Variants in LIPA observed in about 807,000 individuals in gnomAD.
LIPA encodes lipase A, lysosomal acid type.
In LIPA, 26 loss-of-function variants were observed where a neutral mutation model predicts 40.6. That is an observed-to-expected ratio of 0.64 (90% confidence interval 0.47 to 0.89). The LOEUF (loss-of-function observed/expected upper bound fraction) is 0.89. LIPA is among the 40% of genes least tolerant of loss of function. LIPA has a pLI of 0.00. For missense variants in LIPA, 455 were observed against 479.6 expected, an observed-to-expected ratio of 0.95 and a Z score of 0.48; for synonymous variants, 188 against 168.4, an observed-to-expected ratio of 1.12 and a Z score of -0.90.
In LIPA at chr10:89,226,899, A is replaced by T; in HGVS notation, c.534T>A (p.Thr178=). The change falls in exon 5 of 10, where the codon ACT becomes ACA. Residue 178 remains threonine (T), a synonymous_variant. Coordinates refer to ENST00000336233, the MANE Select transcript of LIPA (RefSeq NM_000235.4). ...VYYVGHSQGT[T]IGFIAFSQIP... is the part of the protein sequence containing the mutation. ...TGATCTTATTTACATACATACCTAT[A>T]GTGGTGCCTTGAGAATGACCCACAT... is the stretch of plus-strand genomic sequence containing the variant. 1 of 1,524,744 alleles carries T rather than the reference A, an allele frequency of 6.6e-7. No homozygotes were observed. Among genetic ancestry groups the T allele is most frequent in the Non-Finnish European group, 9.1e-7 (1 of 1,099,030 alleles). The allele number at this position is 1,524,744 out of a possible 1,614,324, so 94.5% of individuals were successfully genotyped here.
chr10:89,332,578 T>C (rs1203337077), intron 1 of LIPA: 2 of 1,613,792 alleles, frequency 1.2e-6, no homozygotes, highest in African/African-American at 1.3e-5. Context: ...AAAAACAAAA[T>C]CAACCGGGAC....
chr10:89,316,954 G>C (rs149853113), intron 1 of LIPA, among the ~76,000 whole-genome samples: 3,028 of 152,324 alleles, frequency 0.02, 108 homozygotes, highest in African/African-American at 0.068. Context: ...ACAGGGTCTG[G>C]AGTGGACTTC....
At chr10:89,413,855 G>A (rs1300225123) in intron 1 of LIPA, among the ~76,000 whole-genome samples, 2 of 152,090 alleles carry the variant, frequency 1.3e-5, no homozygotes, top group Non-Finnish European at 2.9e-5. Flanking sequence ...CTCAATAAGG[G>A]TAAGGCCCGT....
At chr10:89,397,680 C>A (rs925344034) in intron 2 of LIPA, among the ~76,000 whole-genome samples, 200 of 128,776 alleles carry the variant, frequency 1.6e-3, no homozygotes, top group African/African-American at 5.9e-3. Flanking sequence ...TGATCCAGAG[C>A]ATTTTTTTTC....
chr10:89,393,993 T>A (rs1411247069), intron 2 of LIPA, among the ~76,000 whole-genome samples: 1 of 152,238 alleles, frequency 6.6e-6, no homozygotes, highest in Admixed American at 6.5e-5. Flanking sequence ...ATGTAAATTA[T>A]TCCATTTAAT....
intron 1 of LIPA, among the ~76,000 whole-genome samples, chr10:89,317,545 C>T (rs1035087526): frequency 6.6e-6 from 1 of 152,120 alleles, no homozygotes; most frequent in African/African-American, 2.4e-5. Flanking sequence ...TGAACAAAGC[C>T]TCCAAGAAAT....
chr10:89,316,988 G>C (rs1414732614), intron 1 of LIPA, among the ~76,000 whole-genome samples: 1 of 152,226 alleles, frequency 6.6e-6, no homozygotes, highest in African/African-American at 2.4e-5. Flanking sequence ...CAGACCTGCA[G>C]CTGAGGGTCC....
At chr10:89,312,579 C>A (rs952974667) in intron 1 of LIPA, among the ~76,000 whole-genome samples, 1 of 151,908 alleles carries the variant, frequency 6.6e-6, no homozygotes, top group Non-Finnish European at 1.5e-5. Flanking sequence ...TTGACTGAGG[C>A]GGGCGGATCA....
intron 1 of LIPA, among the ~76,000 whole-genome samples, chr10:89,338,504 T>A (rs1843784234): frequency 6.6e-6 from 1 of 152,204 alleles, no homozygotes; most frequent in Non-Finnish European, 1.5e-5. Flanking sequence ...CATGTTCATG[T>A]CTTCCAGAAA....
chr10:89,253,253 T>C (rs1843156480), upstream of LIPA, among the ~76,000 whole-genome samples: 1 of 152,138 alleles, frequency 6.6e-6, no homozygotes, highest in South Asian at 2.1e-4. Flanking sequence ...AATAAAGACA[T>C]ACCCAAGACT....
At position 89,289,997 on chromosome 10, in the gene LIPA, AG is replaced by A. The variant is rs748592173; in HGVS notation, c.-1-42349del. 2.2e-4 allele frequency among the ~76,000 whole-genome samples: 26 copies of A among 119,690 alleles called. No homozygotes were observed. In the East Asian group the frequency reaches 3.4e-3, roughly 16 times the overall value. 78.5% of individuals were successfully genotyped at this position (119,690 alleles called of 152,430 possible). A position where few individuals can be genotyped will look rare whatever the true frequency, so the allele number is the denominator to read the frequency against. On this transcript the variant is annotated intron_variant, in intron 1 of 5. Coordinates refer to the LIPA transcript ENST00000282673. ...TTGACTTACTCACTGCTAAAAAAAA[AG>A]GGTGGGGGGGACTCTGTATATTTTC... is the stretch of plus-strand genomic sequence containing the variant.
At chr10:89,383,450 T>C in intron 2 of LIPA, 11 of 1,614,250 alleles carry the variant, frequency 6.8e-6, no homozygotes, top group Non-Finnish European at 8.5e-6. Flanking sequence ...ATTCAGTTCC[T>C]GGACACCAAA....
At chr10:89,322,376 T>C (rs1045048778) in intron 1 of LIPA, among the ~76,000 whole-genome samples, 3 of 152,068 alleles carry the variant, frequency 2.0e-5, no homozygotes, top group Non-Finnish European at 4.4e-5. Context: ...TCCTTCAAGA[T>C]GTAAGGGGAT....
At chr10:89,337,572 G>T (rs886758958) in intron 1 of LIPA, among the ~76,000 whole-genome samples, 1 of 152,062 alleles carries the variant, frequency 6.6e-6, no homozygotes, top group Non-Finnish European at 1.5e-5. Context: ...GCTAATTTTT[G>T]TATTTTTAGT....
In LIPA at chr10:89,242,062, A is replaced by T. The variant is rs1376711239; in HGVS notation, c.229+3614T>A. Among the ~76,000 whole-genome samples, 8 of 151,494 alleles carry T rather than the reference A, an allele frequency of 5.3e-5. No individual in the cohort carries two copies. In the South Asian group the frequency reaches 1.5e-3, roughly 28 times the overall value. On this transcript the variant is annotated intron_variant, in intron 3 of 9. Transcript: ENST00000336233. ...TGGAATCCACCAGTGAAGTGTGTTT[A>T]AAAAAAAACAAAAATCCCTAGCCCA...
chr10:89,357,452 A>G (rs1041291433), intron 2 of LIPA, among the ~76,000 whole-genome samples: 3 of 152,242 alleles, frequency 2.0e-5, no homozygotes, highest in African/African-American at 7.2e-5. Context: ...TCTAGAATGC[A>G]AATTTCCCTG....
rs189339553 is a variant in LIPA, at chr10:89,412,041, C to T, written c.61+750G>A. ...AATGAGTTCAACTAACAACTTCTAC[C>T]GAGGACCCCTGGACTGACCTGCTGG... On this transcript the variant is annotated intron_variant, in intron 2 of 8. Coordinates refer to the LIPA transcript ENST00000371837. Among the ~76,000 whole-genome samples the T allele has an allele frequency of 5.3e-5, 8 of 152,286 alleles. No individual in the cohort carries two copies. In the East Asian group the frequency reaches 5.8e-4, roughly 11 times the overall value.
chr10:89,316,063 A>T (rs1479892609), intron 1 of LIPA, among the ~76,000 whole-genome samples: 2 of 152,190 alleles, frequency 1.3e-5, no homozygotes, highest in African/African-American at 4.8e-5. Flanking sequence ...CTACATCAGA[A>T]TCTCCTAGAG....
At position 89,292,813 on chromosome 10, in the gene LIPA, T is replaced by C. The variant is rs536919447; in HGVS notation, c.-1-45164A>G. 7.9e-5 allele frequency among the ~76,000 whole-genome samples: 10 copies of C among 127,288 alleles called. 1 individual carries two copies. In the East Asian group the frequency reaches 2.3e-3, roughly 29 times the overall value. The allele number at this position is 127,288 out of a possible 152,430, so 83.5% of individuals were successfully genotyped here. ...GGCTCATGCCACCATGCCTGGCTAC[T>C]TTTTTTTTTTTTAATTGTAGAGATA... On this transcript the variant is annotated intron_variant, in intron 1 of 5. Transcript: ENST00000282673.
Sources: gnomAD v4.1 joint callset for allele counts (sites outside exome capture counted in the v4.1 genomes callset) on GRCh38, gnomAD v4.1.1 for gene constraint, MANE v1.5 for transcripts, NCBI Gene and HGNC (gene_info 2026-07-23, HGNC 2026-07-21) for gene names.